Variants in SORCS1 observed in about 807,000 individuals in gnomAD.
SORCS1 encodes sortilin related VPS10 domain containing receptor 1, also known as VPS10 domain-containing receptor SorCS1.
A neutral mutation model predicts 146.1 loss-of-function variants in SORCS1; 60 were observed. The ratio of observed to expected loss-of-function variants is 0.41; its 90% CI spans 0.33 to 0.51. The LOEUF (loss-of-function observed/expected upper bound fraction) is 0.51, where lower values mean the gene tolerates loss of function less well. Ranked by LOEUF, SORCS1 falls within the 20% of genes least tolerant of loss-of-function variation. SORCS1 has a pLI of 0.21. For synonymous variants in SORCS1, 637 were observed against 584.0 expected, an observed-to-expected ratio of 1.09 and a Z score of -1.31; for missense variants, 1,352 against 1,487.6, an observed-to-expected ratio of 0.91 and a Z score of 1.50.
intron 2 of SORCS1, among the ~76,000 whole-genome samples, chr10:106,902,160 G>C (rs1392506001): frequency 6.6e-6 from 1 of 152,112 alleles, no homozygotes; most frequent in East Asian, 1.9e-4. Context: ...ATATCAATGA[G>C]AGTATAAATT....
intron 3 of SORCS1, among the ~76,000 whole-genome samples, chr10:106,828,082 C>T (rs1275440370): frequency 6.6e-6 from 1 of 152,228 alleles, no homozygotes; most frequent in Admixed American, 6.5e-5. Flanking sequence ...ATAATCCTTA[C>T]AACTTCCCAC....
At chr10:107,048,709 A>T (rs1477749838) in intron 1 of SORCS1, among the ~76,000 whole-genome samples, 1 of 152,140 alleles carries the variant, frequency 6.6e-6, no homozygotes, top group Non-Finnish European at 1.5e-5. Context: ...ACCCATTCAC[A>T]TCGTAGGTGA....
intron 18 of SORCS1, among the ~76,000 whole-genome samples, chr10:106,630,364 T>G (rs1848371695): frequency 6.6e-6 from 1 of 152,202 alleles, no homozygotes; most frequent in South Asian, 2.1e-4. Flanking sequence ...GTAGGCAATC[T>G]TCTCCCACTT....
rs1158433946 is a variant in SORCS1 at position 107,088,705 on chromosome 10, C to T, written c.558+75264G>A. 3.3e-5 allele frequency among the ~76,000 whole-genome samples: 5 copies of T among 152,282 alleles called. No homozygotes were observed. In the East Asian group the frequency reaches 9.7e-4, roughly 29 times the overall value. On this transcript the variant is annotated intron_variant, in intron 1 of 25. Transcript: ENST00000263054. Reference sequence around the variant, plus strand: ...TATGGACAATTGAACCAAAGTGGGACAGTTAGCATGTGTCTCCTACTCATC... The same window carrying T: ...TATGGACAATTGAACCAAAGTGGGATAGTTAGCATGTGTCTCCTACTCATC...
chr10:107,108,929 T>C (rs1965492060), intron 1 of SORCS1, among the ~76,000 whole-genome samples: 1 of 152,240 alleles, frequency 6.6e-6, no homozygotes, highest in African/African-American at 2.4e-5. Flanking sequence ...TATGCAAGTT[T>C]GAAACCAGCA....
intron 3 of SORCS1, among the ~76,000 whole-genome samples, chr10:106,799,983 G>A (rs1946781269): frequency 6.6e-6 from 1 of 152,208 alleles, no homozygotes; most frequent in Non-Finnish European, 1.5e-5. Flanking sequence ...AGAAGTGACT[G>A]AAAGCAGAAC....
chr10:107,089,154 T>A (rs911942839), intron 1 of SORCS1, among the ~76,000 whole-genome samples: 1 of 152,206 alleles, frequency 6.6e-6, no homozygotes, highest in African/African-American at 2.4e-5. Context: ...TTTAAGTATA[T>A]GACAAACCTT....
intron 9 of SORCS1, among the ~76,000 whole-genome samples, chr10:106,691,251 T>C (rs1481668870): frequency 6.6e-6 from 1 of 152,186 alleles, no homozygotes; most frequent in African/African-American, 2.4e-5. Flanking sequence ...TGTCTTCCCA[T>C]AGACACAGAA....
At chr10:107,143,651 G>A (rs1039733271) in intron 1 of SORCS1, among the ~76,000 whole-genome samples, 11 of 152,002 alleles carry the variant, frequency 7.2e-5, no homozygotes, top group South Asian at 2.1e-4. Flanking sequence ...TTACAGGCAC[G>A]CGCCACCACA....
chr10:106,967,382 C>T (rs1237918285), intron 1 of SORCS1, among the ~76,000 whole-genome samples: 6 of 151,788 alleles, frequency 4.0e-5, no homozygotes, highest in Non-Finnish European at 7.4e-5. Flanking sequence ...AAGGGAGATG[C>T]TAAATTAAAT....
chr10:107,141,175 T>C (rs896289603), intron 1 of SORCS1, among the ~76,000 whole-genome samples: 1 of 152,136 alleles, frequency 6.6e-6, no homozygotes, highest in South Asian at 2.1e-4. Context: ...AAGCAAGGAA[T>C]GAAAGGTGTC....
intron 1 of SORCS1, among the ~76,000 whole-genome samples, chr10:107,092,900 A>AC (rs1171363462): frequency 2.0e-5 from 3 of 151,756 alleles, no homozygotes; most frequent in African/African-American, 4.8e-5. Context: ...AAAAAAAAAA[A>AC]AAAAAACCTT....
intron 4 of SORCS1, among the ~76,000 whole-genome samples, chr10:106,771,165 C>T (rs1589842214): frequency 1.3e-5 from 2 of 152,192 alleles, no homozygotes; most frequent in Admixed American, 1.3e-4. Context: ...GAGCCCTTAC[C>T]CCGGCATAGA....
At chr10:106,655,055 C>T (rs1850179155) in intron 17 of SORCS1, among the ~76,000 whole-genome samples, 1 of 152,124 alleles carries the variant, frequency 6.6e-6, no homozygotes, top group African/African-American at 2.4e-5. Context: ...TGGCATTTCA[C>T]CATATTGGCC....
intron 1 of SORCS1, among the ~76,000 whole-genome samples, chr10:107,158,115 A>C (rs923568716): frequency 6.6e-6 from 1 of 152,166 alleles, no homozygotes; most frequent in African/African-American, 2.4e-5. Context: ...TTTTGTGAAA[A>C]CTCTGTGTGG....
intron 5 of SORCS1, among the ~76,000 whole-genome samples, chr10:106,738,251 GCGAT>G (rs1857107093): frequency 6.6e-6 from 1 of 152,160 alleles, no homozygotes; most frequent in South Asian, 2.1e-4. Context: ...ATGTATATAT[GCGAT>G]TGTCTAATAA....
intron 2 of SORCS1, among the ~76,000 whole-genome samples, chr10:106,885,292 G>C (rs576147293): frequency 1.4e-5 from 2 of 146,616 alleles, no homozygotes; most frequent in African/African-American, 5.0e-5. Context: ...AATTGGGGGG[G>C]GGGAACTTGA....
upstream of SORCS1, among the ~76,000 whole-genome samples, chr10:107,165,322 T>TGTGTGTGTGTGTGTGTGTG: frequency 6.6e-6 from 1 of 150,720 alleles, no homozygotes; most frequent in African/African-American, 2.4e-5. The surrounding 1 kb of genome is among the most constrained non-coding windows in gnomAD (Gnocchi z 4.0). Flanking sequence ...TGTGTGTGTG[T>TGTGTGTGTGTGTGTGTGTG]TAGTTTGGGG....
intron 1 of SORCS1, among the ~76,000 whole-genome samples, chr10:106,996,685 A>G (rs375177492): frequency 5.9e-5 from 9 of 152,296 alleles, no homozygotes; most frequent in East Asian, 3.9e-4. Flanking sequence ...AGGCATCCCA[A>G]TGATATCACA....
Sources: gnomAD v4.1 joint callset for allele counts (sites outside exome capture counted in the v4.1 genomes callset) on GRCh38, gnomAD v4.1.1 for gene constraint, Gnocchi (gnomAD v3.1) non-coding constraint, MANE v1.5 for transcripts, NCBI Gene and HGNC (gene_info 2026-07-23, HGNC 2026-07-21) for gene names.